PPP2R2D: variants seen among roughly 807,000 people sequenced by gnomAD.
PPP2R2D encodes serine/threonine-protein phosphatase 2A 55 kDa regulatory subunit B delta isoform.
In PPP2R2D, 9 loss-of-function variants were observed where a neutral mutation model predicts 31.1. The observed-to-expected ratio is 0.29, with a 90% confidence interval of 0.17 to 0.51. The LOEUF is 0.51. PPP2R2D is among the 20% of genes least tolerant of loss of function. The probability of loss-of-function intolerance (pLI) is 0.98; values close to 1 mark genes in which losing one functional copy is unlikely to be tolerated. For synonymous variants in PPP2R2D, 179 were observed against 172.6 expected (o/e 1.04, Z -0.29); for missense variants, 391 against 465.6 (o/e 0.84, Z 1.48).
intron 2 of PPP2R2D, among the ~76,000 whole-genome samples, chr10:131,925,691 C>G (rs1342598400): frequency 1.3e-5 from 2 of 151,720 alleles, no homozygotes; most frequent in African/African-American, 4.8e-5. Context: ...TTTTTTGCTC[C>G]TTAGTTCAGC....
rs534110195 is a variant in PPP2R2D, at chr10:131,928,423, G to A, written c.101-6035G>A. Among the ~76,000 whole-genome samples the A allele has an allele frequency of 1.6e-4, 25 of 152,298 alleles. 1 individual carries two copies. Among genetic ancestry groups the A allele is most frequent in the African/African-American group, 5.8e-4 (24 of 41,548 alleles). The stretch of plus-strand genomic sequence containing the variant: ...GAAACTTTCACATCATGTCTGTCAG[G>A]GATCCCTTTTGTTTTGACAATGACT... On this transcript the variant is annotated intron_variant, in intron 2 of 8. Transcript: ENST00000455566.
chr10:131,905,426 G>A (rs1210294495), intron 2 of PPP2R2D, among the ~76,000 whole-genome samples: 1 of 152,110 alleles, frequency 6.6e-6, no homozygotes, highest in Non-Finnish European at 1.5e-5. Flanking sequence ...ACTTCATTCA[G>A]CATGTGATGT....
At chr10:131,971,485 C>T in the PPP2R2D span, 4 of 157,416 alleles carry the variant, frequency 2.5e-5, no homozygotes, top group Non-Finnish European at 4.2e-5. Context: ...CGGCCAAATC[C>T]TCAGAATTAT....
chr10:131,938,517 C>T (rs1254367430), intron 3 of PPP2R2D, among the ~76,000 whole-genome samples: 1 of 152,102 alleles, frequency 6.6e-6, no homozygotes, highest in Non-Finnish European at 1.5e-5. Flanking sequence ...TCCTGTTGTC[C>T]CCTCCCCATT....
chr10:131,925,485 A>G (rs887483295), intron 2 of PPP2R2D, among the ~76,000 whole-genome samples: 6 of 152,202 alleles, frequency 3.9e-5, no homozygotes, highest in Non-Finnish European at 8.8e-5. Flanking sequence ...TTGCATTCCT[A>G]GGATATGGTA....
At chr10:131,952,724 G>A (rs1258888924) in intron 8 of PPP2R2D, among the ~76,000 whole-genome samples, 9 of 96,914 alleles carry the variant, frequency 9.3e-5, no homozygotes, top group Non-Finnish European at 1.9e-4. Context: ...GCGGGTGTGC[G>A]GGGTTCACTG....
intron 2 of PPP2R2D, among the ~76,000 whole-genome samples, chr10:131,914,472 C>G (rs1188012531): frequency 6.6e-6 from 1 of 152,206 alleles, no homozygotes; most frequent in Non-Finnish European, 1.5e-5. Flanking sequence ...ATTTCTCTCT[C>G]AAACTTAACA....
At chr10:131,911,058 A>G (rs932037054) in intron 2 of PPP2R2D, among the ~76,000 whole-genome samples, 26,860 of 152,084 alleles carry the variant, frequency 0.18, 2,965 homozygotes, top group East Asian at 0.41. Flanking sequence ...TTTCCCTGAG[A>G]TCTGCGTGCT....
intron 2 of PPP2R2D, among the ~76,000 whole-genome samples, chr10:131,919,442 TGGAATGACACAGTGTAGG>T (rs2035916989): frequency 8.5e-6 from 1 of 118,260 alleles, no homozygotes; most frequent in Non-Finnish European, 1.7e-5. Context: ...CTCAGGCGGG[TGGAATGACACAGTGTAGG>T]GATCTCGCGT....
intron 7 of PPP2R2D, among the ~76,000 whole-genome samples, chr10:131,946,596 T>G (rs1554898018): frequency 6.6e-6 from 1 of 152,258 alleles, no homozygotes; most frequent in Non-Finnish European, 1.5e-5. Context: ...GCCTGTATCT[T>G]AAGCATAAAA....
intron 3 of PPP2R2D, among the ~76,000 whole-genome samples, chr10:131,936,143 G>A (rs997306505): frequency 3.3e-5 from 5 of 152,044 alleles, no homozygotes; most frequent in Non-Finnish European, 7.4e-5. Context: ...TACTTTTAAA[G>A]CAGGAGGAGT....
chr10:131,946,429 A>G (rs1554897991), intron 7 of PPP2R2D, among the ~76,000 whole-genome samples: 2 of 151,282 alleles, frequency 1.3e-5, no homozygotes, highest in African/African-American at 4.9e-5. Flanking sequence ...GCCGCTGCTC[A>G]TGTGCAGCGG....
intron 5 of PPP2R2D, among the ~76,000 whole-genome samples, chr10:131,942,867 C>T (rs1158855126): frequency 6.6e-6 from 1 of 152,154 alleles, no homozygotes; most frequent in African/African-American, 2.4e-5. Flanking sequence ...ACTGACTCTT[C>T]TTGCTCTAGA....
chr10:131,954,400 A>G (rs946811185), intron 8 of PPP2R2D, among the ~76,000 whole-genome samples: 2 of 152,220 alleles, frequency 1.3e-5, no homozygotes, highest in Admixed American at 6.5e-5. Flanking sequence ...TTTCGTAAAC[A>G]TTGTGTTTTA....
chr10:131,901,848 C>T (rs1435200074), intron 2 of PPP2R2D, among the ~76,000 whole-genome samples: 2 of 152,184 alleles, frequency 1.3e-5, no homozygotes, highest in Non-Finnish European at 2.9e-5. Flanking sequence ...TGCCTCGGCT[C>T]CCTGATTCTT....
chr10:131,949,024 G>T (rs1014330902), intron 8 of PPP2R2D, among the ~76,000 whole-genome samples: 1 of 152,192 alleles, frequency 6.6e-6, no homozygotes, highest in East Asian at 1.9e-4. Context: ...ATCTCACACT[G>T]TGGAGCTCCT....
the PPP2R2D span, chr10:131,968,758 G>A: frequency 5.9e-6 from 3 of 511,468 alleles, no homozygotes; most frequent in East Asian, 3.1e-5. Context: ...TATGTATTTT[G>A]TATTAATTAA....
chr10:131,925,139 A>G (rs373741099), intron 2 of PPP2R2D, among the ~76,000 whole-genome samples: 2 of 152,080 alleles, frequency 1.3e-5, no homozygotes, highest in East Asian at 1.9e-4. Flanking sequence ...GATGCCTTTT[A>G]TTTATTTTCT....
chr10:131,901,814 C>T (rs2035503819), intron 2 of PPP2R2D, among the ~76,000 whole-genome samples: 2 of 152,256 alleles, frequency 1.3e-5, no homozygotes, highest in South Asian at 2.1e-4. Flanking sequence ...GTTTCATCGG[C>T]GGTGCGCTCT....
Sources: gnomAD v4.1 joint callset for allele counts (sites outside exome capture counted in the v4.1 genomes callset) on GRCh38, gnomAD v4.1.1 for gene constraint, MANE v1.5 for transcripts, NCBI Gene and HGNC (gene_info 2026-07-23, HGNC 2026-07-21) for gene names.